Variants in RIMS2 observed in about 807,000 individuals in gnomAD.
The protein encoded by RIMS2 is regulating synaptic membrane exocytosis 2.
A neutral mutation model predicts 174.4 loss-of-function variants in RIMS2; 59 were observed. The observed-to-expected ratio is 0.34, with a 90% CI of 0.27 to 0.42. The LOEUF is 0.42. Among genes scored for constraint, RIMS2 ranks in the 10% least tolerant of loss-of-function variants. The pLI, the probability that RIMS2 is intolerant of heterozygous loss-of-function variation, is 1.00. For synonymous variants in RIMS2, 606 were observed against 572.5 expected, an observed-to-expected ratio of 1.06 and a Z score of -0.84; for missense variants, 1,620 against 1,666.3, an observed-to-expected ratio of 0.97 and a Z score of 0.48.
At chr8:103,787,322 A>G (rs2098453213) in intron 3 of RIMS2, among the ~76,000 whole-genome samples, 1 of 151,580 alleles carries the variant, frequency 6.6e-6, no homozygotes, top group Admixed American at 6.6e-5. Flanking sequence ...TTATGATGTT[A>G]GCTGGTTATT....
intron 3 of RIMS2, among the ~76,000 whole-genome samples, chr8:103,776,586 A>G (rs1375392735): frequency 1.3e-5 from 2 of 152,116 alleles, no homozygotes; most frequent in Non-Finnish European, 2.9e-5. Context: ...AAAATTTGCA[A>G]TAAATATTTC....
chr8:103,737,823 T>C (rs2097706692), intron 2 of RIMS2, among the ~76,000 whole-genome samples: 1 of 152,202 alleles, frequency 6.6e-6, no homozygotes, highest in African/African-American at 2.4e-5. Flanking sequence ...TTTGATATAG[T>C]TCTCCTGTCA....
chr8:104,068,574 G>A (rs376898428), intron 19 of RIMS2: 168 of 1,569,720 alleles, frequency 1.1e-4, no homozygotes, highest in Middle Eastern at 9.9e-4. Flanking sequence ...ACAGGTAGCC[G>A]GATCAGATCC....
At chr8:103,671,937 C>T (rs1024310843) in intron 1 of RIMS2, among the ~76,000 whole-genome samples, 1 of 152,130 alleles carries the variant, frequency 6.6e-6, no homozygotes, top group Non-Finnish European at 1.5e-5. Flanking sequence ...TTGAATGTTT[C>T]AGGGTCCCTC....
intron 19 of RIMS2, among the ~76,000 whole-genome samples, chr8:104,023,772 G>T (rs569440750): frequency 6.6e-6 from 1 of 152,220 alleles, no homozygotes; most frequent in East Asian, 1.9e-4. Context: ...CGTAAGACTG[G>T]TTATCAAGAG....
chr8:103,941,134 A>G (rs1461843837), intron 13 of RIMS2, among the ~76,000 whole-genome samples: 1 of 152,134 alleles, frequency 6.6e-6, no homozygotes. Context: ...TGTGTTTGTA[A>G]TCCTTTCGAA....
At chr8:103,603,888 C>G (rs1588749205) in intron 1 of RIMS2, among the ~76,000 whole-genome samples, 2 of 147,842 alleles carry the variant, frequency 1.4e-5, no homozygotes, top group East Asian at 3.9e-4. Flanking sequence ...ATTGTAGATT[C>G]TGGATATTAG....
chr8:103,982,151 T>A (rs2093957971), intron 16 of RIMS2, among the ~76,000 whole-genome samples: 1 of 151,942 alleles, frequency 6.6e-6, no homozygotes, highest in Admixed American at 6.6e-5. Flanking sequence ...TTGGAAAATA[T>A]AGAGGAAATG....
At chr8:104,101,509 T>A (rs2131088544) in intron 19 of RIMS2, among the ~76,000 whole-genome samples, 1 of 152,264 alleles carries the variant, frequency 6.6e-6, no homozygotes. Flanking sequence ...TTGTACACAT[T>A]TGAGGTGTAA....
chr8:104,197,954 A>AAAT (rs562197053), intron 19 of RIMS2, among the ~76,000 whole-genome samples: 20 of 151,516 alleles, frequency 1.3e-4, no homozygotes, highest in East Asian at 5.8e-4. Flanking sequence ...AGCTCTCTAA[A>AAAT]AATAATAATA....
At chr8:103,692,575 C>T (rs1445959910) in intron 1 of RIMS2, among the ~76,000 whole-genome samples, 1 of 152,224 alleles carries the variant, frequency 6.6e-6, no homozygotes, top group African/African-American at 2.4e-5. Context: ...GCTGACTATT[C>T]AGAGCCTTAA....
chr8:103,619,613 C>G (rs551123636), intron 1 of RIMS2, among the ~76,000 whole-genome samples: 15 of 152,030 alleles, frequency 9.9e-5, no homozygotes, highest in African/African-American at 3.1e-4. Context: ...TAAATCAGAA[C>G]TACAAAAAGG....
chr8:103,648,375 A>C (rs537652635), intron 1 of RIMS2, among the ~76,000 whole-genome samples: 1 of 151,970 alleles, frequency 6.6e-6, no homozygotes, highest in African/African-American at 2.4e-5. Context: ...TTTTAGTTAG[A>C]TAAAATTAAG....
At chr8:104,060,496 T>G (rs1238073599) in intron 19 of RIMS2, among the ~76,000 whole-genome samples, 1 of 151,488 alleles carries the variant, frequency 6.6e-6, no homozygotes. Context: ...GTCTATCAAT[T>G]TTGTTGATCC....
intron 3 of RIMS2, among the ~76,000 whole-genome samples, chr8:103,808,370 G>A (rs1564711112): frequency 6.6e-6 from 1 of 152,116 alleles, no homozygotes; most frequent in Non-Finnish European, 1.5e-5. Flanking sequence ...TCAATGCTTT[G>A]TCATAAACCT....
At chr8:103,633,192 A>ATTTTTTTTTTTTT (rs150376641) in intron 1 of RIMS2, among the ~76,000 whole-genome samples, 8 of 134,906 alleles carry the variant, frequency 5.9e-5, no homozygotes, top group Non-Finnish European at 1.1e-4. Flanking sequence ...ACGCCCGGCT[A>ATTTTTTTTTTTTT]TTTTTTTTTT....
intron 1 of RIMS2, among the ~76,000 whole-genome samples, chr8:103,672,527 T>C (rs1051150805): frequency 2.0e-5 from 3 of 151,804 alleles, no homozygotes; most frequent in African/African-American, 7.3e-5. Context: ...CAGGCCATTG[T>C]AGGAGCATGG....
intron 22 of RIMS2, among the ~76,000 whole-genome samples, chr8:104,250,656 G>A (rs2099356189): frequency 6.6e-6 from 1 of 152,158 alleles, no homozygotes; most frequent in African/African-American, 2.4e-5. Context: ...TTGTGGGGAT[G>A]AGTGAATGAA....
At chr8:103,832,529 TCTC>T (rs2098832176) in intron 3 of RIMS2, among the ~76,000 whole-genome samples, 1 of 152,116 alleles carries the variant, frequency 6.6e-6, no homozygotes, top group South Asian at 2.1e-4. Context: ...TCCTCTCCCT[TCTC>T]CTCCCACCCT....
Sources: gnomAD v4.1 joint callset for allele counts (sites outside exome capture counted in the v4.1 genomes callset) on GRCh38, gnomAD v4.1.1 for gene constraint, MANE v1.5 for transcripts, NCBI Gene and HGNC (gene_info 2026-07-23, HGNC 2026-07-21) for gene names.